Variants in TAF3 observed in about 807,000 individuals in gnomAD.
TAF3 encodes the protein transcription initiation factor TFIID subunit 3.
TAF3 carries 7 observed loss-of-function variants against 80.6 expected under a neutral mutation model. The observed-to-expected ratio is 0.09, with a 90% CI of 0.05 to 0.16. The LOEUF (loss-of-function observed/expected upper bound fraction) is 0.16. TAF3 is among the 10% of genes least tolerant of loss of function. TAF3 has a pLI of 1.00. For synonymous variants in TAF3, 444 were observed against 446.1 expected (o/e 1.00, Z 0.06); for missense variants, 921 against 1,140.2 (o/e 0.81, Z 2.77).
chr10:7,981,681 A>G (rs992736525), intron 4 of TAF3, among the ~76,000 whole-genome samples: 1 of 152,206 alleles, frequency 6.6e-6, no homozygotes, highest in Non-Finnish European at 1.5e-5. Flanking sequence ...TTCTGGTGGC[A>G]AGTGGATTGA....
At chr10:7,892,951 C>G (rs1251528959) in intron 2 of TAF3, among the ~76,000 whole-genome samples, 1 of 151,564 alleles carries the variant, frequency 6.6e-6, no homozygotes, top group Admixed American at 6.6e-5. Context: ...TCCTGAGTAG[C>G]TGAGATTATA....
chr10:7,941,460 G>T (rs1837975152), intron 2 of TAF3, among the ~76,000 whole-genome samples: 1 of 152,220 alleles, frequency 6.6e-6, no homozygotes, highest in Non-Finnish European at 1.5e-5. Flanking sequence ...AGTGTTTCCA[G>T]TGAATGGCTG....
intron 2 of TAF3, among the ~76,000 whole-genome samples, chr10:7,829,324 ATTAT>A (rs1189164759): frequency 4.6e-5 from 7 of 152,112 alleles, no homozygotes; most frequent in African/African-American, 1.7e-4. Flanking sequence ...TTGACATGTT[ATTAT>A]TAAGTGACGC....
chr10:7,978,042 CTCATG>C (rs1387911605), intron 4 of TAF3, among the ~76,000 whole-genome samples: 1 of 151,330 alleles, frequency 6.6e-6, no homozygotes, highest in African/African-American at 2.4e-5. Context: ...TTTTTTGGAA[CTCATG>C]TTGAAAATCA....
At chr10:7,962,977 T>C (rs1376007739) in intron 2 of TAF3, among the ~76,000 whole-genome samples, 1 of 152,208 alleles carries the variant, frequency 6.6e-6, no homozygotes, top group Non-Finnish European at 1.5e-5. Context: ...CATCGGCTCC[T>C]TTTTGAAAGA....
intron 3 of TAF3, among the ~76,000 whole-genome samples, chr10:7,970,027 C>A (rs1228715660): frequency 2.0e-5 from 3 of 152,246 alleles, no homozygotes; most frequent in African/African-American, 7.2e-5. Flanking sequence ...GAGGCTTTCT[C>A]TTCTGCCTTC....
At chr10:7,948,381 G>A (rs1002212181) in intron 2 of TAF3, among the ~76,000 whole-genome samples, 15 of 151,946 alleles carry the variant, frequency 9.9e-5, no homozygotes, top group African/African-American at 2.9e-4. Flanking sequence ...GAACCAGTGC[G>A]CCCAGCCTTC....
At position 8,009,652 on chromosome 10, in the gene TAF3, G is replaced by A. The variant is rs1443390830; in HGVS notation, c.2568+322G>A. ...TTTTTTTTTTTTGAGACAGAGTTTCGCTCTTATTGCCCAACCTGGAATGCG... is the reference window on the plus strand; with the variant it reads ...TTTTTTTTTTTTGAGACAGAGTTTCACTCTTATTGCCCAACCTGGAATGCG... On this transcript the variant is annotated intron_variant, in intron 5 of 6. Transcript: ENST00000344293. This position sits in a 1 kb window ranked among gnomAD's most constrained non-coding sequence, Gnocchi z 4.1. Among the ~76,000 whole-genome samples, 5 of 148,422 alleles carry A rather than the reference G, an allele frequency of 3.4e-5. No individual in the cohort carries two copies. In the East Asian group the frequency reaches 7.9e-4, roughly 23 times the overall value.
intron 2 of TAF3, among the ~76,000 whole-genome samples, chr10:7,863,678 T>TATACACACACATATATATACACACAC (rs1435861023): frequency 1.2e-5 from 1 of 81,570 alleles, no homozygotes; most frequent in Non-Finnish European, 2.4e-5. Flanking sequence ...CACACATATA[T>TATACACACACATATATATACACACAC]ATATATACAC....
At chr10:7,877,890 A>C (rs569620260) in intron 2 of TAF3, among the ~76,000 whole-genome samples, 1 of 152,040 alleles carries the variant, frequency 6.6e-6, no homozygotes, top group Non-Finnish European at 1.5e-5. Flanking sequence ...TTGAGAAGGG[A>C]CTAGTTAATT....
intron 2 of TAF3, among the ~76,000 whole-genome samples, chr10:7,854,736 C>T (rs754020575): frequency 2.0e-4 from 31 of 152,008 alleles, no homozygotes; most frequent in Admixed American, 8.5e-4. Context: ...TGTGTGTATT[C>T]GAAGGGGGCT....
intron 2 of TAF3, among the ~76,000 whole-genome samples, chr10:7,889,705 G>T (rs1321536295): frequency 6.6e-6 from 1 of 152,056 alleles, no homozygotes; most frequent in Non-Finnish European, 1.5e-5. Flanking sequence ...TCTTCCATTG[G>T]CCTGGTCCTG....
At chr10:7,859,854 C>T (rs540896967) in intron 2 of TAF3, among the ~76,000 whole-genome samples, 50 of 152,290 alleles carry the variant, frequency 3.3e-4, no homozygotes, top group Admixed American at 1.1e-3. Flanking sequence ...GACAAATGGC[C>T]GTTTCCCAGA....
intron 2 of TAF3, among the ~76,000 whole-genome samples, chr10:7,915,002 G>T (rs532657194): frequency 7.5e-6 from 1 of 132,796 alleles, no homozygotes. Flanking sequence ...GTGCAGTGGC[G>T]CAATCTTGGC....
intron 2 of TAF3, among the ~76,000 whole-genome samples, chr10:7,892,435 G>A (rs1837464812): frequency 6.6e-6 from 1 of 152,084 alleles, no homozygotes; most frequent in Non-Finnish European, 1.5e-5. Flanking sequence ...ACAAAATTTT[G>A]TAAACATAGT....
In TAF3 at chr10:7,944,404, A is replaced by G. The variant is rs74123817; in HGVS notation, c.410-19516A>G. ...TTCTAGTTAGTCAGTAAGACCATCA[A>G]CAGACTAATTATTCTTGTTTTATCT... On this transcript the variant is annotated intron_variant, in intron 2 of 6. Transcript: ENST00000344293. 2.9e-3 allele frequency among the ~76,000 whole-genome samples: 445 copies of G among 152,334 alleles called. 1 individual carries two copies. The highest frequency in any genetic ancestry group is 0.01 in the African/African-American group (419 of 41,570).
chr10:7,951,587 A>G (rs2458639), intron 2 of TAF3, among the ~76,000 whole-genome samples: 138,446 of 152,232 alleles, frequency 0.91, 63,010 homozygotes, highest in East Asian at 0.99. Flanking sequence ...CAAGTCACAC[A>G]GCCACCCAAA....
intron 4 of TAF3, among the ~76,000 whole-genome samples, chr10:7,987,786 C>T (rs1251542868): frequency 6.6e-6 from 1 of 152,154 alleles, no homozygotes; most frequent in Non-Finnish European, 1.5e-5. Context: ...CCTCGTGGGC[C>T]TGTGAGTTCA....
At chr10:7,834,288 T>C (rs1412381248) in intron 2 of TAF3, among the ~76,000 whole-genome samples, 3 of 152,246 alleles carry the variant, frequency 2.0e-5, no homozygotes. Context: ...ACCAGTGTCT[T>C]ACAGTTTTTC....
Sources: allele counts gnomAD v4.1 joint callset (sites outside exome capture counted in the v4.1 genomes callset), GRCh38; gene constraint gnomAD v4.1.1; non-coding constraint Gnocchi (gnomAD v3.1); transcripts MANE v1.5; gene names NCBI Gene and HGNC (gene_info 2026-07-23, HGNC 2026-07-21).